TASOR: variants seen among roughly 807,000 people sequenced by gnomAD.
TASOR encodes protein TASOR.
In TASOR, 53 loss-of-function variants were observed where a neutral mutation model predicts 178.6. The observed-to-expected ratio is 0.30, with a 90% CI of 0.24 to 0.37. The LOEUF is 0.37. Ranked by LOEUF, TASOR falls within the 10% of genes least tolerant of loss-of-function variation. The pLI is 1.00. For missense variants in TASOR, 1,815 were observed against 1,971.4 expected (o/e 0.92, Z 1.50); for synonymous variants, 713 against 696.2 (o/e 1.02, Z -0.38).
chr3:56,647,455 C>G (rs963671831), intron 13 of TASOR, among the ~76,000 whole-genome samples: 2 of 152,086 alleles, frequency 1.3e-5, no homozygotes. Context: ...AATGAAAAAG[C>G]AGAACACATT....
rs1290067856 is a variant in TASOR, at chr3:56,654,123, C to T, written c.1369-5066G>A. On this transcript the variant is annotated intron_variant, in intron 11 of 23. Coordinates refer to ENST00000683822, the MANE Select transcript of TASOR (RefSeq NM_001365635.2). ...CTCTACTAAAAATACAAAAATTAGC[C>T]AGGTGTCATGGAGCATGCCTGTAAT... Among the ~76,000 whole-genome samples, 4 of 152,010 alleles carry T rather than the reference C, an allele frequency of 2.6e-5. No individual in the cohort carries two copies. In the South Asian group the frequency reaches 6.2e-4, roughly 24 times the overall value.
In TASOR at chr3:56,622,519, AT is replaced by A. The variant is rs2076709693; in HGVS notation, c.*517del. 1 of 152,670 alleles carries A rather than the reference AT, an allele frequency of 6.6e-6. No individual in the cohort carries two copies. The highest frequency in any genetic ancestry group is 2.4e-5 in the African/African-American group (1 of 41,474). The allele number at this position is 152,670 out of a possible 1,614,324, so 9.5% of individuals were successfully genotyped here. ...ACATGACTAAGCCTAGAGATAAAAA[AT>A]GTGTCCTATGTACATAGTTTATTAT... On this transcript the variant is annotated 3_prime_UTR_variant, in exon 24 of 24. Coordinates refer to ENST00000683822, the MANE Select transcript of TASOR (RefSeq NM_001365635.2).
rs559816541 is a variant in TASOR, at chr3:56,626,026, C to T, written c.4139+1011G>A. On this transcript the variant is annotated intron_variant, in intron 21 of 23. Coordinates refer to ENST00000683822, the MANE Select transcript of TASOR (RefSeq NM_001365635.2). ...TTAAATACTCAAAAATTATTTAAGC[C>T]TTAATTTCCTGAACAGTGTACCATG... is the stretch of plus-strand genomic sequence containing the variant. Among the ~76,000 whole-genome samples the T allele has an allele frequency of 2.0e-3, 301 of 152,284 alleles. 12 individuals are homozygous for T. In the South Asian group the frequency reaches 0.058, roughly 29 times the overall value.
intron 9 of TASOR, among the ~76,000 whole-genome samples, chr3:56,661,462 G>A (rs899301434): frequency 2.2e-4 from 33 of 152,120 alleles, no homozygotes; most frequent in Non-Finnish European, 3.5e-4. Context: ...AGCAGTAAAG[G>A]GGATTTGATA....
chr3:56,623,336 T>G lies in TASOR; in HGVS notation c.4714A>C (p.Thr1572Pro). The G allele has an allele frequency of 6.2e-7, 1 of 1,613,612 alleles. No homozygotes were observed. Among genetic ancestry groups the G allele is most frequent in the Non-Finnish European group, 8.5e-7 (1 of 1,179,976 alleles). The change falls in exon 24 of 24, where the codon ACT becomes CCT. Residue 1572 changes from threonine to proline, a missense_variant. By Grantham distance (38) the Thr-to-Pro change is conservative. Coordinates refer to ENST00000683822, the MANE Select transcript of TASOR (RefSeq NM_001365635.2). ...DKTYLDSEER[T>P]SIDIVCSEGE... ...TCAGAGCATACTATATCAATAGAAG[T>G]TCTCTCTTCAGAATCAAGGTAAGTC...
At position 56,666,242 on chromosome 3, in the gene TASOR, A is replaced by G; in HGVS notation, c.1022+18T>C. On this transcript the variant is annotated intron_variant, in intron 7 of 23. Transcript: ENST00000683822. Reference sequence around the variant, plus strand: ...AGAATTATCACTGCGGATGATGTCTAAAACTCCTAAGTCTTACCTTGATGA... The same window carrying G: ...AGAATTATCACTGCGGATGATGTCTGAAACTCCTAAGTCTTACCTTGATGA... 2.6e-6 allele frequency: 4 copies of G among 1,522,254 alleles called. No individual in the cohort carries two copies. The highest frequency in any genetic ancestry group is 3.5e-6 in the Non-Finnish European group (4 of 1,135,198). 94.3% of individuals were successfully genotyped at this position (1,522,254 alleles called of 1,614,324 possible).
At chr3:56,648,631 CAAAAAAAAA>C (rs56218279) in intron 13 of TASOR, among the ~76,000 whole-genome samples, 182 bp downstream of exon 13, 36,147 of 84,292 alleles carry the variant, frequency 0.43, 5,761 homozygotes, top group East Asian at 0.53. Flanking sequence ...AACTCTGTAT[CAAAAAAAAA>C]AAAAAAAAAA....
In TASOR at chr3:56,683,207, C is replaced by G. The variant is rs1163138610; in HGVS notation, c.-201G>C. The G allele has an allele frequency of 5.7e-6, 3 of 522,696 alleles. No individual in the cohort carries two copies. Among genetic ancestry groups the G allele is most frequent in the Admixed American group, 3.6e-5 (1 of 28,094 alleles). 32.4% of individuals were successfully genotyped at this position (522,696 alleles called of 1,614,324 possible). A position where few individuals can be genotyped will look rare whatever the true frequency, so the allele number is the denominator to read the frequency against. The stretch of plus-strand genomic sequence containing the variant: ...CACCCCAAATGCGCTGCCCGGTCCT[C>G]GGAGCCGCTCCTCCCTCGGGCAGTT... On this transcript the variant is annotated 5_prime_UTR_variant, in exon 1 of 24. Coordinates refer to ENST00000683822, the MANE Select transcript of TASOR (RefSeq NM_001365635.2).
At position 56,646,969 on chromosome 3, in the gene TASOR, A is replaced by G. The variant is rs760579312; in HGVS notation, c.1768T>C (p.Ser590Pro). Residue 590 changes from serine to proline, a missense_variant, in exon 14 of 24, where the codon TCA becomes CCA. Ser to Pro is a moderately conservative substitution (Grantham distance 74). Around this residue, in one of 5 missense-constraint regions of TASOR, gnomAD observed 504 missense variants for 645.3 expected, o/e 0.78. Coordinates refer to ENST00000683822, the MANE Select transcript of TASOR (RefSeq NM_001365635.2). ...ATATGGGATTTATTTCTGGGAGCTG[A>G]GTATAAGAATTTTTTATCATCTAAT... is the stretch of plus-strand genomic sequence containing the variant. ...SRLDDKKFLYSAPRNKSHIDT... is the reference protein window; with the variant it reads ...SRLDDKKFLYPAPRNKSHIDT... 3.1e-6 allele frequency: 5 copies of G among 1,609,738 alleles called. No homozygotes were observed. The highest frequency in any genetic ancestry group is 4.2e-6 in the Non-Finnish European group (5 of 1,179,060).
At position 56,666,280 on chromosome 3, in the gene TASOR, C is replaced by T. The variant is rs1207960241; in HGVS notation, c.1002G>A (p.Pro334=). The T allele has an allele frequency of 1.9e-6, 3 of 1,540,528 alleles. No individual in the cohort carries two copies. Among genetic ancestry groups the T allele is most frequent in the East Asian group, 2.5e-5 (1 of 40,644 alleles). The stretch of plus-strand genomic sequence containing the variant: ...CTTACCTTGATGAAGGTACAAACTT[C>T]GGAGTTTGTATATCATCTTTGTAAG... ...SFTYKDDIQT[P]KFVPSSRSNS... Residue 334 remains proline (P), a synonymous_variant, in exon 7 of 24, where the codon CCG becomes CCA. Coordinates refer to ENST00000683822, the MANE Select transcript of TASOR (RefSeq NM_001365635.2).
chr3:56,678,633 T>C lies in TASOR; in HGVS notation c.331+4043A>G, dbSNP rs533517182. On this transcript the variant is annotated intron_variant, in intron 1 of 23. Transcript: ENST00000683822. ...TGTTAAGGCAGATCTTTTTGTATTA[T>C]GTATACATGTATCACAAAAAATATT... 5.9e-5 allele frequency among the ~76,000 whole-genome samples: 9 copies of C among 152,378 alleles called. No homozygotes were observed. In the East Asian group the frequency reaches 7.7e-4, roughly 13 times the overall value.
chr3:56,668,279 G>T, intron 6 of TASOR, 118 bp downstream of exon 6: 1 of 903,868 alleles, frequency 1.1e-6, no homozygotes, highest in Non-Finnish European at 1.7e-6. Flanking sequence ...GAAGTGATAT[G>T]CAGACACCAG....
At chr3:56,637,468 C>T (rs1375253297) in intron 17 of TASOR, among the ~76,000 whole-genome samples, 2 of 151,756 alleles carry the variant, frequency 1.3e-5, no homozygotes, top group Non-Finnish European at 2.9e-5. Context: ...TTGCAGTGAA[C>T]CAAGATCATG....
At chr3:56,673,819 C>T in intron 1 of TASOR, 94 bp from the exon 2 acceptor site, 3 of 1,123,178 alleles carry the variant, frequency 2.7e-6, no homozygotes, top group Non-Finnish European at 1.2e-6. Flanking sequence ...ACTTTAAATA[C>T]CATGAAAAAA....
intron 23 of TASOR, 65 bp from the exon 24 acceptor site, chr3:56,623,631 A>T (rs1292362332): frequency 2.6e-6 from 4 of 1,540,930 alleles, no homozygotes; most frequent in Non-Finnish European, 3.5e-6. Flanking sequence ...TTTTAAAATT[A>T]TACACTACTC....
chr3:56,628,724 T>C, intron 18 of TASOR, 110 bp from the exon 19 acceptor site: 1 of 720,272 alleles, frequency 1.4e-6, no homozygotes, highest in Non-Finnish European at 2.2e-6. Flanking sequence ...CATGACATTA[T>C]TAACAATGAA....
At position 56,682,732 on chromosome 3, in the gene TASOR, G is replaced by A. The variant is rs746291798; in HGVS notation, c.275C>T (p.Pro92Leu). ...AAAACTCCTCCTAACAGGCCTTTCG[G>A]GCTCTTCGGGGCCTCTGGGCAGGGC... ...AAALPRGPEE[P>L]ERPVRRSFQI... Residue 92 changes from proline (P) to leucine (L), a missense_variant, in exon 1 of 24, where the codon CCC becomes CTC. Pro to Leu is a moderately conservative substitution (Grantham distance 98). Around this residue, in one of 5 missense-constraint regions of TASOR, gnomAD observed 244 missense variants for 202.7 expected, o/e 1.20. Transcript: ENST00000683822. The A allele has an allele frequency of 2.6e-6, 4 of 1,510,658 alleles. No individual in the cohort carries two copies. Among genetic ancestry groups the A allele is most frequent in the African/African-American group, 1.4e-5 (1 of 70,764 alleles). 93.6% of individuals were successfully genotyped at this position (1,510,658 alleles called of 1,614,324 possible). A position where few individuals can be genotyped will look rare whatever the true frequency, so the allele number is the denominator to read the frequency against.
intron 6 of TASOR, 148 bp from the exon 7 acceptor site, chr3:56,666,532 T>A: frequency 2.0e-6 from 1 of 489,996 alleles, no homozygotes; most frequent in Non-Finnish European, 3.4e-6. Flanking sequence ...TTAACTAAAA[T>A]AATTAGTACT....
intron 13 of TASOR, among the ~76,000 whole-genome samples, chr3:56,647,741 T>G (rs967866105): frequency 2.0e-5 from 3 of 152,212 alleles, no homozygotes; most frequent in Non-Finnish European, 4.4e-5. Context: ...TAATACACAG[T>G]ATTAAAGTTC....
Sources: gnomAD v4.1 joint callset for allele counts (sites outside exome capture counted in the v4.1 genomes callset) on GRCh38, gnomAD v4.1.1 for gene constraint, gnomAD v4.1.1 regional missense constraint, MANE v1.5 for transcripts, NCBI Gene and HGNC (gene_info 2026-07-23, HGNC 2026-07-21) for gene names.